Variants in SLCO1B1 observed in about 807,000 individuals in gnomAD.
SLCO1B1 encodes OATP-2.
SLCO1B1 carries 81 observed loss-of-function variants against 70.1 expected under a neutral mutation model. The ratio of observed to expected loss-of-function variants is 1.16; its 90% CI spans 0.97 to 1.39. The LOEUF is 1.39. Ranked by LOEUF, SLCO1B1 falls within the 40% of genes most tolerant of loss-of-function variation. SLCO1B1 has a pLI of 0.00. For synonymous variants in SLCO1B1, 283 were observed against 271.5 expected (o/e 1.04, Z -0.42); for missense variants, 895 against 799.6 (o/e 1.12, Z -1.44).
intron 8 of SLCO1B1, among the ~76,000 whole-genome samples, chr12:21,200,061 A>G (rs904596263): frequency 6.6e-6 from 1 of 152,126 alleles, no homozygotes; most frequent in African/African-American, 2.4e-5. Flanking sequence ...TCGGCCTCCC[A>G]AAGTGCTAGG....
chr12:21,172,493 G>A (rs1940767780), intron 2 of SLCO1B1, among the ~76,000 whole-genome samples, 157 bp from the exon 3 acceptor site: 1 of 152,326 alleles, frequency 6.6e-6, no homozygotes, highest in South Asian at 2.1e-4. Flanking sequence ...AAATGGCTGA[G>A]TAGTAGTACC....
Position 21,202,555 on chromosome 12 carries a change from C to A in SLCO1B1, c.1200C>A (p.Phe400Leu). The change falls in exon 10 of 15, where the codon TTC (phenylalanine) becomes TTA (leucine). Residue 400 changes from phenylalanine (F) to leucine (L), a missense_variant. Transcript: ENST00000256958. ...MFLGGYIIKKFKLNTVGIAKF... is the reference protein window; with the variant it reads ...MFLGGYIIKKLKLNTVGIAKF... ...TAGGAGGATATATCATTAAAAAATT[C>A]AAACTGAACACCGTTGGAATTGCCA... 6.2e-7 allele frequency: 1 copy of A among 1,611,802 alleles called. No individual in the cohort carries two copies. Among genetic ancestry groups the A allele is most frequent in the South Asian group, 1.1e-5 (1 of 90,884 alleles).
At chr12:21,202,178 G>T (rs1018563242) in intron 9 of SLCO1B1, among the ~76,000 whole-genome samples, 2 of 152,142 alleles carry the variant, frequency 1.3e-5, no homozygotes, top group African/African-American at 4.8e-5. Flanking sequence ...ATGGACACAG[G>T]GAGGGGAACA....
At chr12:21,221,578 A>T (rs960852930) in intron 12 of SLCO1B1, among the ~76,000 whole-genome samples, 1 of 152,134 alleles carries the variant, frequency 6.6e-6, no homozygotes, top group African/African-American at 2.4e-5. Context: ...TCAAGAAAAA[A>T]ATTATTAAAA....
At chr12:21,160,818 A>G (rs925224011) in intron 2 of SLCO1B1, among the ~76,000 whole-genome samples, 1 of 152,166 alleles carries the variant, frequency 6.6e-6, no homozygotes, top group African/African-American at 2.4e-5. Context: ...TACAAGAGAA[A>G]AACAAACGGC....
intron 11 of SLCO1B1, 44 bp from the exon 12 acceptor site, chr12:21,217,075 G>A (rs761122680): frequency 6.8e-7 from 1 of 1,478,814 alleles, no homozygotes; most frequent in East Asian, 2.3e-5. Context: ...GCACTGTTAG[G>A]TCTTGCAAAT....
chr12:21,209,118 T>C (rs200227396), intron 11 of SLCO1B1, among the ~76,000 whole-genome samples: 14 of 149,886 alleles, frequency 9.3e-5, no homozygotes, highest in Non-Finnish European at 7.4e-5. Context: ...GCAGGTTAGT[T>C]ACATATGTAT....
chr12:21,169,591 A>G (rs189791387), intron 2 of SLCO1B1, among the ~76,000 whole-genome samples: 5 of 152,116 alleles, frequency 3.3e-5, no homozygotes, highest in Admixed American at 6.5e-5. Context: ...TAATCTGTTA[A>G]TATTGCTATT....
intron 11 of SLCO1B1, among the ~76,000 whole-genome samples, chr12:21,212,494 A>G (rs559029990): frequency 1.4e-5 from 2 of 144,058 alleles, no homozygotes; most frequent in African/African-American, 5.3e-5. Flanking sequence ...GTATGTGGTC[A>G]GTTTTGGAAT....
chr12:21,207,039 T>C (rs1360632787), intron 11 of SLCO1B1, among the ~76,000 whole-genome samples: 1 of 151,982 alleles, frequency 6.6e-6, no homozygotes, highest in African/African-American at 2.4e-5. Flanking sequence ...CAAAGACTAC[T>C]TAAAAGCCCA....
At chr12:21,215,222 G>A (rs1409063154) in intron 11 of SLCO1B1, among the ~76,000 whole-genome samples, 1 of 152,182 alleles carries the variant, frequency 6.6e-6, no homozygotes, top group African/African-American at 2.4e-5. Context: ...ATGTTGAATA[G>A]GAGTGGTGAG....
intron 14 of SLCO1B1, among the ~76,000 whole-genome samples, chr12:21,232,852 GA>G (rs1470154119): frequency 6.6e-5 from 10 of 152,082 alleles, no homozygotes; most frequent in Admixed American, 6.5e-4. Flanking sequence ...GCAGCTTCCA[GA>G]AGAATGAAGT....
intron 7 of SLCO1B1, among the ~76,000 whole-genome samples, chr12:21,192,057 A>G (rs999014585): frequency 5.9e-5 from 9 of 151,890 alleles, no homozygotes; most frequent in African/African-American, 2.2e-4. Context: ...CATCAGATAT[A>G]TTGGTTTGTA....
chr12:21,170,497 A>G (rs1174738743), intron 2 of SLCO1B1, among the ~76,000 whole-genome samples: 1 of 152,176 alleles, frequency 6.6e-6, no homozygotes. Context: ...ATGATTTTTT[A>G]ATGATTAGGA....
intron 14 of SLCO1B1, among the ~76,000 whole-genome samples, chr12:21,234,190 G>C (rs988770082): frequency 1.3e-5 from 2 of 152,064 alleles, no homozygotes; most frequent in Non-Finnish European, 2.9e-5. Flanking sequence ...AAATCATAGG[G>C]AGTTGATACT....
intron 2 of SLCO1B1, among the ~76,000 whole-genome samples, chr12:21,144,831 G>A (rs976162895): frequency 5.3e-5 from 8 of 152,016 alleles, no homozygotes; most frequent in African/African-American, 9.7e-5. Flanking sequence ...CATAAGTAAA[G>A]AAAAAATATT....
At chr12:21,163,950 A>G (rs1042754957) in intron 2 of SLCO1B1, among the ~76,000 whole-genome samples, 16 of 152,150 alleles carry the variant, frequency 1.1e-4, no homozygotes, top group African/African-American at 3.6e-4. Flanking sequence ...CTGAAAAAAA[A>G]AAAATGTAAC....
At chr12:21,132,494 C>G (rs535019474) in intron 1 of SLCO1B1, among the ~76,000 whole-genome samples, 1 of 152,112 alleles carries the variant, frequency 6.6e-6, no homozygotes, top group Non-Finnish European at 1.5e-5. Context: ...CTCTCCAGCA[C>G]CTGTTGTTTC....
At chr12:21,188,985 A>G (rs2121125743) in intron 7 of SLCO1B1, among the ~76,000 whole-genome samples, 1 of 152,342 alleles carries the variant, frequency 6.6e-6, no homozygotes, top group African/African-American at 2.4e-5. Context: ...TTGTATGTCT[A>G]TACAATATTT....
Sources: gnomAD v4.1 joint callset for allele counts (sites outside exome capture counted in the v4.1 genomes callset) on GRCh38, gnomAD v4.1.1 for gene constraint, MANE v1.5 for transcripts, NCBI Gene and HGNC (gene_info 2026-07-23, HGNC 2026-07-21) for gene names.